MAGI2: variants seen among roughly 807,000 people sequenced by gnomAD.
The protein encoded by MAGI2 is membrane associated guanylate kinase, WW and PDZ domain containing 2.
A neutral mutation model predicts 133.3 loss-of-function variants in MAGI2; 35 were observed. That is an observed-to-expected ratio of 0.26 (90% CI 0.20 to 0.35). MAGI2 has a LOEUF of 0.35. Ranked by LOEUF, MAGI2 falls within the 10% of genes least tolerant of loss-of-function variation. MAGI2 has a pLI of 1.00. For synonymous variants in MAGI2, 729 were observed against 710.6 expected (o/e 1.03, Z -0.41); for missense variants, 1,636 against 1,863.4 (o/e 0.88, Z 2.25).
chr7:78,755,261 CTTGGATTCTAGT>C (rs1180318331), intron 2 of MAGI2, among the ~76,000 whole-genome samples: 2 of 152,140 alleles, frequency 1.3e-5, no homozygotes, highest in East Asian at 3.9e-4. Context: ...AATTAGGAGT[CTTGGATTCTAGT>C]TTGGCCTCAG....
At chr7:78,594,699 G>T (rs2150857344) in intron 3 of MAGI2, among the ~76,000 whole-genome samples, 1 of 152,222 alleles carries the variant, frequency 6.6e-6, no homozygotes, top group East Asian at 1.9e-4. Flanking sequence ...CTCGTGATCT[G>T]CCTGCCTCGG....
At chr7:78,624,561 C>T (rs1808117794) in intron 3 of MAGI2, among the ~76,000 whole-genome samples, 1 of 152,116 alleles carries the variant, frequency 6.6e-6, no homozygotes, top group South Asian at 2.1e-4. Context: ...AAACCCAACA[C>T]TGCATGTTCT....
At chr7:78,031,564 C>T (rs533663478) in intron 21 of MAGI2, among the ~76,000 whole-genome samples, 39 of 152,202 alleles carry the variant, frequency 2.6e-4, no homozygotes, top group African/African-American at 8.9e-4. Flanking sequence ...ATTCTGAGTT[C>T]GTAGAGTTAG....
chr7:79,306,198 T>TAC (rs894085684), intron 1 of MAGI2, among the ~76,000 whole-genome samples: 1 of 146,150 alleles, frequency 6.8e-6, no homozygotes, highest in African/African-American at 2.5e-5. Flanking sequence ...CATATATATA[T>TAC]ACATGTATAT....
intron 2 of MAGI2, among the ~76,000 whole-genome samples, chr7:78,910,901 A>C (rs186890428): frequency 9.8e-5 from 15 of 152,302 alleles, no homozygotes; most frequent in African/African-American, 2.9e-4. Context: ...TTCTGTTCTA[A>C]ATTCATTTCC....
chr7:78,281,698 T>C (rs1795600277), intron 9 of MAGI2, among the ~76,000 whole-genome samples: 1 of 125,706 alleles, frequency 8.0e-6, no homozygotes, highest in Non-Finnish European at 1.8e-5. Flanking sequence ...TTAATTCATT[T>C]GTGAACTCAC....
At chr7:79,022,646 C>CAA (rs61289194) in intron 1 of MAGI2, among the ~76,000 whole-genome samples, 4,792 of 118,564 alleles carry the variant, frequency 0.04, 189 homozygotes, top group South Asian at 0.075. Context: ...AGACAAGATC[C>CAA]AAAAAAAAAA....
chr7:78,789,164 T>C, intron 2 of MAGI2, among the ~76,000 whole-genome samples: 1 of 152,236 alleles, frequency 6.6e-6, no homozygotes, highest in African/African-American at 2.4e-5. Flanking sequence ...AGGACAAAAA[T>C]CTCCTCTTTG....
intron 1 of MAGI2, among the ~76,000 whole-genome samples, chr7:79,193,998 C>A (rs1258049854): frequency 6.6e-6 from 1 of 151,820 alleles, no homozygotes; most frequent in African/African-American, 2.4e-5. Flanking sequence ...TTTTCCAATT[C>A]CAGCAACTAG....
intron 3 of MAGI2, among the ~76,000 whole-genome samples, chr7:78,607,510 AAAAAG>A (rs1302553126): frequency 1.3e-5 from 2 of 151,952 alleles, no homozygotes; most frequent in African/African-American, 2.4e-5. Flanking sequence ...AAAAAAAAAA[AAAAAG>A]AGAGTCTCTG....
chr7:78,156,621 G>A (rs1283155970), intron 16 of MAGI2, among the ~76,000 whole-genome samples: 1 of 151,814 alleles, frequency 6.6e-6, no homozygotes, highest in East Asian at 1.9e-4. Context: ...AGGAAACTGA[G>A]GCCCAAAGAG....
intron 2 of MAGI2, among the ~76,000 whole-genome samples, chr7:78,719,484 T>C (rs1820047142): frequency 6.6e-6 from 1 of 152,224 alleles, no homozygotes. Context: ...CATCAGTATG[T>C]CTACTGAAAA....
intron 1 of MAGI2, among the ~76,000 whole-genome samples, chr7:79,248,586 G>T (rs1289444459): frequency 1.3e-5 from 2 of 151,984 alleles, no homozygotes; most frequent in Non-Finnish European, 2.9e-5. Flanking sequence ...CTTAGTACAT[G>T]GATCATTCTC....
At chr7:79,366,896 C>T (rs1749217630) in intron 1 of MAGI2, among the ~76,000 whole-genome samples, 1 of 152,062 alleles carries the variant, frequency 6.6e-6, no homozygotes, top group African/African-American at 2.4e-5. Context: ...TAATTTATTT[C>T]ACACACAAAA....
chr7:78,211,534 C>T (rs1787767283), intron 10 of MAGI2, among the ~76,000 whole-genome samples: 1 of 152,184 alleles, frequency 6.6e-6, no homozygotes. Flanking sequence ...TGCTTTGTGG[C>T]TCACAGATGC....
chr7:78,673,193 A>T (rs1814595599), intron 2 of MAGI2, among the ~76,000 whole-genome samples: 1 of 152,052 alleles, frequency 6.6e-6, no homozygotes, highest in Non-Finnish European at 1.5e-5. Context: ...CGTTAATGAC[A>T]TTTATAAATT....
chr7:78,977,682 A>T (rs917948203), intron 2 of MAGI2, among the ~76,000 whole-genome samples: 2 of 151,748 alleles, frequency 1.3e-5, no homozygotes, highest in African/African-American at 4.8e-5. Context: ...CATGAAAAAA[A>T]TTAGACTTTA....
intron 1 of MAGI2, among the ~76,000 whole-genome samples, chr7:79,237,105 A>G (rs986754446): frequency 6.6e-6 from 1 of 152,240 alleles, no homozygotes; most frequent in Non-Finnish European, 1.5e-5. Flanking sequence ...TAGTATGAGA[A>G]AGTAGATCAG....
intron 21 of MAGI2, 157 bp downstream of exon 21, chr7:78,078,790 G>A (rs201580255): frequency 7.3e-5 from 16 of 219,062 alleles, no homozygotes; most frequent in Middle Eastern, 1.1e-3. Context: ...GTGTGTGTAT[G>A]TGTGTGTGTG....
Sources: allele counts gnomAD v4.1 joint callset (sites outside exome capture counted in the v4.1 genomes callset), GRCh38; gene constraint gnomAD v4.1.1; transcripts MANE v1.5; gene names NCBI Gene and HGNC (gene_info 2026-07-23, HGNC 2026-07-21).